WWC2: variants seen among roughly 807,000 people sequenced by gnomAD.
WWC2 encodes the protein WW and C2 domain containing 2.
WWC2 carries 101 observed loss-of-function variants against 138.5 expected under a neutral mutation model. That is an observed-to-expected ratio of 0.73 (90% CI 0.62 to 0.86). The LOEUF (loss-of-function observed/expected upper bound fraction) is 0.86, where lower values mean the gene tolerates loss of function less well. Ranked by LOEUF, WWC2 falls within the 40% of genes least tolerant of loss-of-function variation. The pLI, the probability that WWC2 is intolerant of heterozygous loss-of-function variation, is 0.00. For synonymous variants in WWC2, 558 were observed against 538.4 expected (o/e 1.04, Z -0.50); for missense variants, 1,420 against 1,419.4 (o/e 1.00, Z -0.01).
rs549268355 is a variant in WWC2, at chr4:183,205,163, A to G, written c.242-2790A>G. Among the ~76,000 whole-genome samples the G allele has an allele frequency of 1.1e-3, 166 of 152,336 alleles. 1 individual carries two copies. Among genetic ancestry groups the G allele is most frequent in the African/African-American group, 3.8e-3 (160 of 41,576 alleles). On this transcript the variant is annotated intron_variant, in intron 2 of 22. Coordinates refer to ENST00000403733, the MANE Select transcript of WWC2 (RefSeq NM_024949.6). ...AGTTGTTCTCCAAAGTGATTGGACC[A>G]TTTTAGATTCCCGGTAGCAATGAAT...
chr4:183,190,635 A>T (rs950606281), intron 1 of WWC2, among the ~76,000 whole-genome samples: 2 of 152,132 alleles, frequency 1.3e-5, no homozygotes, highest in Admixed American at 1.3e-4. Flanking sequence ...TTTATATTTG[A>T]AGGAACTCTG....
At chr4:183,153,553 T>C (rs1329824399) in intron 1 of WWC2, among the ~76,000 whole-genome samples, 1 of 152,148 alleles carries the variant, frequency 6.6e-6, no homozygotes, top group Non-Finnish European at 1.5e-5. Flanking sequence ...AATATTGTTA[T>C]TAAAGAAAAA....
chr4:183,144,001 A>G (rs777934106), intron 1 of WWC2, among the ~76,000 whole-genome samples: 3 of 152,216 alleles, frequency 2.0e-5, no homozygotes, highest in Admixed American at 6.5e-5. Flanking sequence ...AGGCCAAACT[A>G]CTAGTGAATA....
chr4:183,191,565 T>A (rs1220243172), intron 1 of WWC2, among the ~76,000 whole-genome samples: 1 of 152,196 alleles, frequency 6.6e-6, no homozygotes, highest in Non-Finnish European at 1.5e-5. Flanking sequence ...TGAGCCCAGA[T>A]CTCTTTGATG....
intron 1 of WWC2, among the ~76,000 whole-genome samples, chr4:183,182,947 A>C (rs984357441): frequency 2.0e-5 from 3 of 151,806 alleles, no homozygotes; most frequent in South Asian, 2.1e-4. Flanking sequence ...CTTCCTTCCT[A>C]CTCTTCTTCC....
At chr4:183,139,961 C>T (rs1733247753) in intron 1 of WWC2, among the ~76,000 whole-genome samples, 1 of 152,144 alleles carries the variant, frequency 6.6e-6, no homozygotes, top group South Asian at 2.1e-4. Flanking sequence ...CATAGGTGCA[C>T]ACCTCGACGC....
intron 1 of WWC2, among the ~76,000 whole-genome samples, chr4:183,148,501 A>G (rs79763392): frequency 1.3e-5 from 2 of 152,186 alleles, no homozygotes; most frequent in African/African-American, 2.4e-5. Context: ...ACTGAATTCT[A>G]TGAGTATGTT....
At chr4:183,230,961 C>A (rs1320334619) in intron 4 of WWC2, among the ~76,000 whole-genome samples, 1 of 152,106 alleles carries the variant, frequency 6.6e-6, no homozygotes, top group Non-Finnish European at 1.5e-5. Flanking sequence ...TAGAAAAAAT[C>A]TGAATGGCTC....
Position 183,320,478 on chromosome 4 carries a change from A to C in WWC2, c.*4749A>C. 2.1e-6 allele frequency: 1 copy of C among 486,060 alleles called. No homozygotes were observed. The highest frequency in any genetic ancestry group is 3.7e-6 in the Non-Finnish European group (1 of 269,686). 30.1% of individuals were successfully genotyped at this position (486,060 alleles called of 1,614,324 possible). A position where few individuals can be genotyped will look rare whatever the true frequency, so the allele number is the denominator to read the frequency against. On this transcript the variant is annotated 3_prime_UTR_variant, in exon 23 of 23. Transcript: ENST00000403733. ...TGTCCTGTGGGCTGGATTTGACAGA[A>C]AGCAGTTTGTCACTGAAATATAATT...
rs1737493724 is a variant in WWC2 at position 183,266,021 on chromosome 4, A to T, written c.2207+70A>T. 2.2e-6 allele frequency: 3 copies of T among 1,348,204 alleles called. No individual in the cohort carries two copies. In the South Asian group the frequency reaches 3.8e-5, roughly 17 times the overall value. The allele number at this position is 1,348,204 out of a possible 1,614,324, so 83.5% of individuals were successfully genotyped here. Reference sequence around the variant, plus strand: ...CCATGTAAGAGAATTTTACACTGTAATCATACAGTTCATCAAAATGAAGAT... The same window carrying T: ...CCATGTAAGAGAATTTTACACTGTATTCATACAGTTCATCAAAATGAAGAT... On this transcript the variant is annotated intron_variant, in intron 14 of 22. Transcript: ENST00000403733.
At chr4:183,302,721 T>C (rs868079834) in intron 21 of WWC2, among the ~76,000 whole-genome samples, 7 of 152,140 alleles carry the variant, frequency 4.6e-5, no homozygotes, top group African/African-American at 1.7e-4. Flanking sequence ...CTCACATATT[T>C]GTAAGACCCC....
intron 4 of WWC2, 23 bp from the exon 5 acceptor site, chr4:183,240,159 GT>G (rs1736571695): frequency 1.3e-6 from 2 of 1,507,676 alleles, no homozygotes; most frequent in Non-Finnish European, 1.8e-6. Context: ...AAACATTAAT[GT>G]TTATGTTGAT....
In WWC2 at chr4:183,148,786, G is replaced by A. The variant is rs572650420; in HGVS notation, c.132-44813G>A. On this transcript the variant is annotated intron_variant, in intron 1 of 22. Coordinates refer to ENST00000403733, the MANE Select transcript of WWC2 (RefSeq NM_024949.6). ...AGAAACTGCTTCTTTCCTGTGCCAG[G>A]GTGTCCCGAATGAGTTAGAAAAAGC... Among the ~76,000 whole-genome samples, 99 of 152,226 alleles carry A rather than the reference G, an allele frequency of 6.5e-4. 2 individuals carry two copies. The Middle Eastern group carries it at 0.01, about 16-fold the overall frequency.
At chr4:183,262,797 T>C (rs1474278574) in intron 11 of WWC2, among the ~76,000 whole-genome samples, 2 of 152,148 alleles carry the variant, frequency 1.3e-5, no homozygotes, top group African/African-American at 4.8e-5. Context: ...CGTGCGTGTG[T>C]GTGTGTGTGT....
At chr4:183,258,144 G>A (rs775516673) in intron 9 of WWC2, among the ~76,000 whole-genome samples, 3 of 152,164 alleles carry the variant, frequency 2.0e-5, no homozygotes, top group Admixed American at 6.5e-5. Flanking sequence ...ACTTCCTTCC[G>A]AAGTGTTTCT....
intron 15 of WWC2, chr4:183,269,876 A>G (rs1737644709): frequency 6.1e-6 from 1 of 163,278 alleles, no homozygotes; most frequent in African/African-American, 2.4e-5. Flanking sequence ...TGTTGTGCGT[A>G]ATAACCAGAA....
At chr4:183,187,150 C>G (rs1309109529) in intron 1 of WWC2, among the ~76,000 whole-genome samples, 1 of 152,092 alleles carries the variant, frequency 6.6e-6, no homozygotes, top group Non-Finnish European at 1.5e-5. Context: ...TGTTATATCC[C>G]CCCACTGCAC....
At chr4:183,265,243 G>A (rs1436416115) in intron 12 of WWC2, 136 bp downstream of exon 12, 3 of 1,267,228 alleles carry the variant, frequency 2.4e-6, no homozygotes, top group Non-Finnish European at 3.1e-6. Flanking sequence ...AAGAAGTGGT[G>A]TGCCTGAAAA....
chr4:183,212,019 C>T (rs1015152453), intron 4 of WWC2, among the ~76,000 whole-genome samples: 9 of 152,050 alleles, frequency 5.9e-5, no homozygotes, highest in Non-Finnish European at 8.8e-5. Context: ...GATGGGGTTT[C>T]GCCATGTTGG....
Sources: allele counts gnomAD v4.1 joint callset (sites outside exome capture counted in the v4.1 genomes callset), GRCh38; gene constraint gnomAD v4.1.1; transcripts MANE v1.5; gene names NCBI Gene and HGNC (gene_info 2026-07-23, HGNC 2026-07-21).